The following CAMK1D variants were observed in gnomAD, a reference collection of about 807,000 sequenced individuals.
The protein encoded by CAMK1D is calcium/calmodulin-dependent protein kinase type 1D.
A neutral mutation model predicts 47.7 loss-of-function variants in CAMK1D; 9 were observed. The observed-to-expected ratio is 0.19, with a 90% CI of 0.11 to 0.33. The LOEUF is 0.33. Ranked by LOEUF, CAMK1D falls within the 10% of genes least tolerant of loss-of-function variation. The pLI, the probability that CAMK1D is intolerant of heterozygous loss-of-function variation, is 1.00. For synonymous variants in CAMK1D, 184 were observed against 184.9 expected, an observed-to-expected ratio of 0.99 and a Z score of 0.04; for missense variants, 291 against 488.7, an observed-to-expected ratio of 0.60 and a Z score of 3.81.
chr10:12,641,802 TG>T (rs976364403), intron 2 of CAMK1D, among the ~76,000 whole-genome samples: 1 of 151,986 alleles, frequency 6.6e-6, no homozygotes, highest in Non-Finnish European at 1.5e-5. Flanking sequence ...CCCAAAACTT[TG>T]GGAGGCCAAG....
At chr10:12,566,623 G>A (rs1837132721) in intron 2 of CAMK1D, among the ~76,000 whole-genome samples, 2 of 152,216 alleles carry the variant, frequency 1.3e-5, no homozygotes, top group Non-Finnish European at 2.9e-5. Context: ...GATTGCCCGA[G>A]GTCATGGAGC....
chr10:12,749,521 G>A (rs948818663), intron 3 of CAMK1D, among the ~76,000 whole-genome samples: 6 of 146,354 alleles, frequency 4.1e-5, no homozygotes, highest in African/African-American at 1.6e-4. Context: ...CATAGAAAGT[G>A]TGGATGTTTG....
At chr10:12,411,000 A>G (rs1384320946) in intron 1 of CAMK1D, among the ~76,000 whole-genome samples, 1 of 152,156 alleles carries the variant, frequency 6.6e-6, no homozygotes, top group Non-Finnish European at 1.5e-5. Flanking sequence ...TGGTTAGCCT[A>G]CACTCTTCCT....
At chr10:12,633,439 G>A (rs1251843906) in intron 2 of CAMK1D, among the ~76,000 whole-genome samples, 1 of 152,200 alleles carries the variant, frequency 6.6e-6, no homozygotes. Flanking sequence ...TTCAAGTGCA[G>A]CGATAGAGAG....
rs571186855 is a variant in CAMK1D at position 12,534,164 on chromosome 10, A to G, written c.93-19061A>G. ...AACCTCCACATCTATCTATCTATCTATCTGTCTATCTATCTATCTATCTGT... is the reference window on the plus strand; with the variant it reads ...AACCTCCACATCTATCTATCTATCTGTCTGTCTATCTATCTATCTATCTGT... On this transcript the variant is annotated intron_variant, in intron 1 of 10. Coordinates refer to ENST00000619168, the MANE Select transcript of CAMK1D (RefSeq NM_153498.4). Among the ~76,000 whole-genome samples, 11 of 150,872 alleles carry G rather than the reference A, an allele frequency of 7.3e-5. No individual in the cohort carries two copies. In the East Asian group the frequency reaches 1.2e-3, roughly 16 times the overall value.
At chr10:12,628,839 A>G (rs1839298598) in intron 2 of CAMK1D, among the ~76,000 whole-genome samples, 1 of 152,078 alleles carries the variant, frequency 6.6e-6, no homozygotes, top group Admixed American at 6.6e-5. Context: ...CACCGTCTTC[A>G]TAGTTTTACC....
chr10:12,540,687 C>T (rs143712587), intron 1 of CAMK1D, among the ~76,000 whole-genome samples: 37 of 152,282 alleles, frequency 2.4e-4, no homozygotes, highest in African/African-American at 5.1e-4. Flanking sequence ...TTAAGCTAAT[C>T]GTGTGGGTAT....
At position 12,816,281 on chromosome 10, in the gene CAMK1D, G is replaced by A; in HGVS notation, c.786G>A (p.Lys262=). 6.2e-7 allele frequency: 1 copy of A among 1,613,868 alleles called. No homozygotes were observed. Among genetic ancestry groups the A allele is most frequent in the Non-Finnish European group, 8.5e-7 (1 of 1,179,888 alleles). ...ACTTCATTCGGAACCTGATGGAGAA[G>A]GACCCGAATAAAAGATACACGTGTG... The part of the protein sequence containing the change: ...AKDFIRNLME[K]DPNKRYTCEQ... Residue 262 remains lysine (K), a synonymous_variant, in exon 8 of 11, where the codon AAG becomes AAA. Coordinates refer to ENST00000619168, the MANE Select transcript of CAMK1D (RefSeq NM_153498.4).
At position 12,574,468 on chromosome 10, in the gene CAMK1D, ATTTTTT is replaced by A. The variant is rs1171556305; in HGVS notation, c.224+21136_224+21141del. Among the ~76,000 whole-genome samples, 34 of 61,374 alleles carry A rather than the reference ATTTTTT, an allele frequency of 5.5e-4. 2 individuals carry two copies. Among genetic ancestry groups the A allele is most frequent in the East Asian group, 2.3e-3 (5 of 2,128 alleles). The allele number at this position is 61,374 out of a possible 152,430, so 40.3% of individuals were successfully genotyped here. ...AGGTGCACACCACCACGCCTAGCTAATTTTTTTTTTTTTTTTTTTTTTTTTTTTTAG... is the reference window on the plus strand; with the variant it reads ...AGGTGCACACCACCACGCCTAGCTAATTTTTTTTTTTTTTTTTTTTTTTAG... On this transcript the variant is annotated intron_variant, in intron 2 of 10. Transcript: ENST00000619168.
chr10:12,589,807 GTTAT>G (rs571445841), intron 2 of CAMK1D, among the ~76,000 whole-genome samples: 107 of 152,314 alleles, frequency 7.0e-4, no homozygotes, highest in African/African-American at 2.5e-3. Flanking sequence ...CTTCATTGCA[GTTAT>G]TTAGTAATTT....
chr10:12,579,392 A>G (rs764762591), intron 2 of CAMK1D, among the ~76,000 whole-genome samples: 1 of 151,962 alleles, frequency 6.6e-6, no homozygotes, highest in African/African-American at 2.4e-5. Flanking sequence ...CTTCTCATCC[A>G]TCATGTATTA....
chr10:12,803,890 A>T (rs1182583093), intron 6 of CAMK1D, among the ~76,000 whole-genome samples: 1 of 152,180 alleles, frequency 6.6e-6, no homozygotes, highest in African/African-American at 2.4e-5. Context: ...TTCTTCAAAC[A>T]TACTTTTCAG....
At chr10:12,530,928 G>A (rs1835785206) in intron 1 of CAMK1D, among the ~76,000 whole-genome samples, 1 of 151,968 alleles carries the variant, frequency 6.6e-6, no homozygotes, top group Non-Finnish European at 1.5e-5. Flanking sequence ...GTGATGGCGG[G>A]CGCCTGTAAT....
At chr10:12,581,664 G>A (rs113420831) in intron 2 of CAMK1D, among the ~76,000 whole-genome samples, 3 of 152,160 alleles carry the variant, frequency 2.0e-5, no homozygotes, top group African/African-American at 7.2e-5. Flanking sequence ...TTTTTCCTAT[G>A]TTTGTTGGCC....
At chr10:12,451,631 T>C (rs537711481) in intron 1 of CAMK1D, among the ~76,000 whole-genome samples, 57 of 152,352 alleles carry the variant, frequency 3.7e-4, no homozygotes, top group Non-Finnish European at 6.6e-4. Flanking sequence ...TTCATATACA[T>C]GATATGCATT....
chr10:12,419,150 G>A (rs531772465), intron 1 of CAMK1D, among the ~76,000 whole-genome samples: 1 of 152,120 alleles, frequency 6.6e-6, no homozygotes, highest in East Asian at 1.9e-4. Context: ...AAACCCCAGG[G>A]ACGGGAGATT....
intron 3 of CAMK1D, among the ~76,000 whole-genome samples, chr10:12,677,696 G>A (rs1564485756): frequency 6.6e-6 from 1 of 152,134 alleles, no homozygotes; most frequent in East Asian, 1.9e-4. Flanking sequence ...TCTGTGAGGG[G>A]CTCAGTCTAT....
chr10:12,637,345 T>C (rs1839538497), intron 2 of CAMK1D, among the ~76,000 whole-genome samples: 1 of 152,206 alleles, frequency 6.6e-6, no homozygotes, highest in South Asian at 2.1e-4. Context: ...TTCTAGAACA[T>C]TCTCCCTCTC....
At chr10:12,605,401 A>G (rs1838427472) in intron 2 of CAMK1D, among the ~76,000 whole-genome samples, 1 of 151,798 alleles carries the variant, frequency 6.6e-6, no homozygotes, top group African/African-American at 2.4e-5. Context: ...ACACACATAT[A>G]TACACCCCTT....
Sources: gnomAD v4.1 joint callset for allele counts (sites outside exome capture counted in the v4.1 genomes callset) on GRCh38, gnomAD v4.1.1 for gene constraint, MANE v1.5 for transcripts, NCBI Gene and HGNC (gene_info 2026-07-23, HGNC 2026-07-21) for gene names.